The following PAPLN variants were observed in gnomAD, a reference collection of about 807,000 sequenced individuals.
PAPLN encodes the protein papilin.
Under a neutral mutation model 159.0 loss-of-function variants are expected in PAPLN, and 146 were observed. That is an observed-to-expected ratio of 0.92 (90% CI 0.80 to 1.05). PAPLN has a LOEUF of 1.05. Among genes scored for constraint, PAPLN ranks in the 50% least tolerant of loss-of-function variants. The pLI is 0.00. For missense variants in PAPLN, 1,720 were observed against 1,743.9 expected (o/e 0.99, Z 0.24); for synonymous variants, 734 against 702.9 (o/e 1.04, Z -0.70).
At chr14:73,269,832 C>G (rs1017502783) in intron 26 of PAPLN, among the ~76,000 whole-genome samples, 1 of 150,894 alleles carries the variant, frequency 6.6e-6, no homozygotes. Context: ...GCTGCAGCGC[C>G]ATGCCAGGAG....
intron 12 of PAPLN, 132 bp from the exon 13 acceptor site, chr14:73,254,381 C>A: frequency 8.7e-7 from 1 of 1,145,408 alleles, no homozygotes; most frequent in Non-Finnish European, 1.3e-6. Flanking sequence ...GTCAGCCTCT[C>A]TGGGCCTGGG....
intron 2 of PAPLN, among the ~76,000 whole-genome samples, chr14:73,241,490 C>G (rs988161649): frequency 6.6e-6 from 1 of 152,234 alleles, no homozygotes. Context: ...GCAGATGAAA[C>G]AAATCAAGGT....
intron 20 of PAPLN, 191 bp from the exon 21 acceptor site, chr14:73,264,020 C>G (rs1006495492): frequency 4.6e-5 from 69 of 1,509,552 alleles, no homozygotes; most frequent in Non-Finnish European, 5.7e-5. Flanking sequence ...GTTCACGTGA[C>G]AGCTCCCTCC....
chr14:73,239,623 C>T (rs1333994567), intron 1 of PAPLN, 150 bp from the exon 2 acceptor site: 54 of 1,391,784 alleles, frequency 3.9e-5, no homozygotes, highest in African/African-American at 4.5e-5. Flanking sequence ...GCTGTGTTCT[C>T]TGCGGTGCAC....
chr14:73,244,800 C>T, intron 3 of PAPLN, 41 bp downstream of exon 3: 1 of 1,463,356 alleles, frequency 6.8e-7, no homozygotes, highest in Non-Finnish European at 9.2e-7. Flanking sequence ...AAAGCAGGAG[C>T]AGGGGATGCT....
Position 73,252,778 on chromosome 14 carries a change from G to A in PAPLN, c.1094+3G>A, listed in dbSNP as rs752608404. On this transcript the variant is annotated splice_donor_region_variant and intron_variant, in intron 11 of 26. Coordinates refer to ENST00000644200, the MANE Select transcript of PAPLN (RefSeq NM_001365906.3). ...CACCCTTGCCCGGAGACCAAGCGGT[G>A]AGACCTTGCCAGCCCCTCTACCCAT... 4.3e-6 allele frequency: 7 copies of A among 1,613,184 alleles called. No homozygotes were observed. The highest frequency in any genetic ancestry group is 5.9e-6 in the Non-Finnish European group (7 of 1,179,968).
At chr14:73,256,532 CAAAA>C (rs57667060) in intron 14 of PAPLN, among the ~76,000 whole-genome samples, 5 of 92,720 alleles carry the variant, frequency 5.4e-5, no homozygotes, top group South Asian at 8.2e-4. Context: ...GACTCTGTCT[CAAAA>C]AAAAAAAAAA....
intron 6 of PAPLN, 32 bp downstream of exon 6, chr14:73,250,146 G>C (rs144152840): frequency 1.1e-5 from 17 of 1,570,198 alleles, no homozygotes; most frequent in Non-Finnish European, 1.5e-5. Context: ...CCCTGCCTCC[G>C]GGCTGCCTGG....
rs369371413 is a variant in PAPLN, at chr14:73,250,110, G to T, written c.461G>T (p.Cys154Phe). ...GKRDVCVDGS[C>F]RVVGCDHELD... Reference sequence around the variant, plus strand: ...AGGGATGTCTGTGTGGATGGCAGCTGCCGGGTGAGTGGTGCCCCAGCCCCT... The same window carrying T: ...AGGGATGTCTGTGTGGATGGCAGCTTCCGGGTGAGTGGTGCCCCAGCCCCT... Residue 154 changes from cysteine to phenylalanine, a missense_variant, in exon 6 of 27, where the codon TGC becomes TTC. Transcript: ENST00000644200. 13 of 1,606,882 alleles carry T rather than the reference G, an allele frequency of 8.1e-6. No homozygotes were observed. Among genetic ancestry groups the T allele is most frequent in the African/African-American group, 1.3e-5 (1 of 74,838 alleles).
At chr14:73,255,283 G>A (rs2140253597) in intron 14 of PAPLN, among the ~76,000 whole-genome samples, 1 of 152,220 alleles carries the variant, frequency 6.6e-6, no homozygotes, top group Admixed American at 6.5e-5. Context: ...TCATTTCTGT[G>A]GGACCCTTAG....
rs145949230 is a variant in PAPLN at position 73,257,522 on chromosome 14, C to A, written c.1628-1457C>A. Among the ~76,000 whole-genome samples, 14 of 152,086 alleles carry A rather than the reference C, an allele frequency of 9.2e-5. No individual in the cohort carries two copies. In the East Asian group the frequency reaches 2.1e-3, roughly 23 times the overall value. On this transcript the variant is annotated intron_variant, in intron 14 of 26. Coordinates refer to ENST00000644200, the MANE Select transcript of PAPLN (RefSeq NM_001365906.3). ...CCAACAATATTTTGTGACGAAAAAT[C>A]TTTTTGAAAATTTTAGGGATGTTGT... is the stretch of plus-strand genomic sequence containing the variant.
In PAPLN at chr14:73,265,585, A is replaced by G. The variant is rs1887138243; in HGVS notation, c.3263+78A>G. 32 of 1,563,854 alleles carry G rather than the reference A, an allele frequency of 2.0e-5. No individual in the cohort carries two copies. The highest frequency in any genetic ancestry group is 2.8e-5 in the Non-Finnish European group (32 of 1,152,550). The stretch of plus-strand genomic sequence containing the variant: ...TCCTATGGAGGCCACCGGGGAAGGG[A>G]GCTGCTAGCGCATGGTCATGGCCAG... On this transcript the variant is annotated intron_variant, in intron 23 of 26. Transcript: ENST00000644200. The surrounding 1 kb of genome is among the most constrained non-coding windows in gnomAD (Gnocchi z 4.1).
At position 73,266,498 on chromosome 14, in the gene PAPLN, C is replaced by T. The variant is rs1887224228; in HGVS notation, c.3264-3C>T. On this transcript the variant is annotated splice_region_variant and splice_polypyrimidine_tract_variant and intron_variant, in intron 23 of 26. Coordinates refer to ENST00000644200, the MANE Select transcript of PAPLN (RefSeq NM_001365906.3). Reference sequence around the variant, plus strand: ...GAGCCAACTGGCTGTACTTGGTCCCCAGACACCAGCTGCAGCCTGATGGCT... The same window carrying T: ...GAGCCAACTGGCTGTACTTGGTCCCTAGACACCAGCTGCAGCCTGATGGCT... 1 of 1,613,778 alleles carries T rather than the reference C, an allele frequency of 6.2e-7. No individual in the cohort carries two copies. Among genetic ancestry groups the T allele is most frequent in the African/African-American group, 1.3e-5 (1 of 75,028 alleles).
At chr14:73,249,531 G>A (rs537297391) in intron 5 of PAPLN, among the ~76,000 whole-genome samples, 8 of 152,174 alleles carry the variant, frequency 5.3e-5, no homozygotes, top group East Asian at 1.9e-4. Context: ...AAACTTAGCC[G>A]GGTGTGGTGG....
At chr14:73,237,239 G>C (rs551674760), upstream of PAPLN, among the ~76,000 whole-genome samples, 4 of 152,294 alleles carry the variant, frequency 2.6e-5, no homozygotes, top group African/African-American at 9.6e-5. Flanking sequence ...AAGCTAGAAG[G>C]CTTGGGCAAG....
At chr14:73,253,080 C>T in intron 11 of PAPLN, 1 of 1,358,610 alleles carries the variant, frequency 7.4e-7, no homozygotes, top group South Asian at 1.2e-5. Context: ...GAGGGTTTGG[C>T]TTGGCAGATG....
chr14:73,262,111 A>G (rs905097849), intron 18 of PAPLN: 2 of 459,714 alleles, frequency 4.4e-6, no homozygotes, highest in Non-Finnish European at 7.6e-6. Context: ...GACCTCCCAG[A>G]GGCTCTAGCT....
intron 26 of PAPLN, among the ~76,000 whole-genome samples, chr14:73,271,849 C>A (rs1363623555): frequency 3.6e-5 from 5 of 138,786 alleles, no homozygotes; most frequent in African/African-American, 1.4e-4. Context: ...CTAGTAAATT[C>A]AGAGGGAGAG....
intron 14 of PAPLN, among the ~76,000 whole-genome samples, chr14:73,255,958 G>A (rs1037350384): frequency 3.9e-5 from 6 of 152,236 alleles, no homozygotes; most frequent in African/African-American, 7.2e-5. Flanking sequence ...TTTCCAGACC[G>A]TGGTGGTCAT....
Sources: gnomAD v4.1 joint callset for allele counts (sites outside exome capture counted in the v4.1 genomes callset) on GRCh38, gnomAD v4.1.1 for gene constraint, Gnocchi (gnomAD v3.1) non-coding constraint, MANE v1.5 for transcripts, NCBI Gene and HGNC (gene_info 2026-07-23, HGNC 2026-07-21) for gene names.